Variants in COL25A1 observed in about 807,000 individuals in gnomAD.
COL25A1 encodes collagen alpha-1(XXV) chain.
In COL25A1, 103 loss-of-function variants were observed where a neutral mutation model predicts 128.4. The observed-to-expected ratio is 0.80, with a 90% CI of 0.68 to 0.94. The LOEUF (loss-of-function observed/expected upper bound fraction) is 0.94. Among genes scored for constraint, COL25A1 ranks in the 40% least tolerant of loss-of-function variants. COL25A1 has a pLI of 0.00. For synonymous variants in COL25A1, 279 were observed against 277.2 expected, an observed-to-expected ratio of 1.01 and a Z score of -0.06; for missense variants, 745 against 840.0, an observed-to-expected ratio of 0.89 and a Z score of 1.40.
At chr4:108,819,724 C>A in intron 35 of COL25A1, 1 of 584,914 alleles carries the variant, frequency 1.7e-6, no homozygotes, top group Non-Finnish European at 2.5e-6. Context: ...ATCAGAAACC[C>A]TCCTGTTACG....
At chr4:109,124,797 A>T (rs995163713) in intron 3 of COL25A1, among the ~76,000 whole-genome samples, 46 of 151,994 alleles carry the variant, frequency 3.0e-4, no homozygotes, top group African/African-American at 7.7e-4. Context: ...ATTCATTCTT[A>T]AAAAAATCAC....
chr4:109,188,590 G>A (rs1020187351), intron 3 of COL25A1, among the ~76,000 whole-genome samples: 5 of 152,108 alleles, frequency 3.3e-5, no homozygotes, highest in Non-Finnish European at 7.4e-5. Flanking sequence ...GTAGCTTTGA[G>A]AATGGAATCG....
chr4:109,071,140 C>T (rs1021091110), intron 3 of COL25A1, among the ~76,000 whole-genome samples: 2 of 151,980 alleles, frequency 1.3e-5, no homozygotes, highest in African/African-American at 4.8e-5. Flanking sequence ...AGAAATAATA[C>T]CACACATCTA....
chr4:108,926,974 TG>T (rs1746138725), intron 11 of COL25A1, among the ~76,000 whole-genome samples: 1 of 152,050 alleles, frequency 6.6e-6, no homozygotes, highest in African/African-American at 2.4e-5. Flanking sequence ...TTAGTTGAAG[TG>T]GGTATGAAGG....
At chr4:109,003,089 T>C (rs925763994) in intron 6 of COL25A1, among the ~76,000 whole-genome samples, 5 of 152,090 alleles carry the variant, frequency 3.3e-5, no homozygotes, top group East Asian at 1.9e-4. Context: ...CCAAAAGCAA[T>C]TGCAACAAAA....
At chr4:109,184,577 G>A (rs565275591) in intron 3 of COL25A1, among the ~76,000 whole-genome samples, 82 of 152,286 alleles carry the variant, frequency 5.4e-4, no homozygotes, top group African/African-American at 1.9e-3. Flanking sequence ...TTAAGGCACA[G>A]TCTGAAAGAA....
At chr4:109,248,663 A>G (rs149616242) in intron 3 of COL25A1, among the ~76,000 whole-genome samples, 393 of 151,246 alleles carry the variant, frequency 2.6e-3, no homozygotes, top group Non-Finnish European at 5.0e-3. Flanking sequence ...CTGCCAGACT[A>G]CTCCTCCTCT....
At chr4:108,849,596 T>C (rs758567372) in intron 26 of COL25A1, among the ~76,000 whole-genome samples, 1 of 152,178 alleles carries the variant, frequency 6.6e-6, no homozygotes, top group Non-Finnish European at 1.5e-5. Flanking sequence ...TTTTGAAAGG[T>C]GACTAAATAA....
At position 109,302,022 on chromosome 4, in the gene COL25A1, T is replaced by C; in HGVS notation, c.-3A>G. 5 of 1,579,324 alleles carry C rather than the reference T, an allele frequency of 3.2e-6. No individual in the cohort carries two copies. The highest frequency in any genetic ancestry group is 4.3e-6 in the Non-Finnish European group (5 of 1,165,890). On this transcript the variant is annotated 5_prime_UTR_variant, in exon 2 of 38. Transcript: ENST00000399132. ...CCTGCGTGCTTCTTCAGCAGCATCG[T>C]GGCGGGGTCGGCCGTCTCGGCTTCG... is the stretch of plus-strand genomic sequence containing the variant.
chr4:108,838,962 T>C (rs1734114958), intron 31 of COL25A1, among the ~76,000 whole-genome samples: 1 of 152,124 alleles, frequency 6.6e-6, no homozygotes, highest in African/African-American at 2.4e-5. Context: ...CTGACCTGTA[T>C]ACTTTTCAAC....
At chr4:109,279,085 G>A (rs563870569) in intron 3 of COL25A1, among the ~76,000 whole-genome samples, 9 of 144,664 alleles carry the variant, frequency 6.2e-5, no homozygotes, top group Middle Eastern at 7.6e-3. Flanking sequence ...TCACACTGGA[G>A]ATTCATTTTT....
chr4:109,044,629 C>A (rs1437333864), intron 5 of COL25A1, among the ~76,000 whole-genome samples: 1 of 152,014 alleles, frequency 6.6e-6, no homozygotes, highest in African/African-American at 2.4e-5. Flanking sequence ...GAACTGCGGG[C>A]CAGAAGGAAG....
At chr4:109,038,595 C>A (rs990795909) in intron 5 of COL25A1, among the ~76,000 whole-genome samples, 5 of 152,068 alleles carry the variant, frequency 3.3e-5, no homozygotes, top group African/African-American at 1.2e-4. Flanking sequence ...CATGTGCATT[C>A]GAATCATGCC....
At chr4:108,983,947 T>C (rs936998007) in intron 6 of COL25A1, among the ~76,000 whole-genome samples, 4 of 152,138 alleles carry the variant, frequency 2.6e-5, no homozygotes, top group Non-Finnish European at 5.9e-5. Context: ...TTGCCACTGC[T>C]GACTCGGGCA....
At chr4:108,848,156 A>T (rs1487009690) in intron 27 of COL25A1, among the ~76,000 whole-genome samples, 5 of 152,218 alleles carry the variant, frequency 3.3e-5, no homozygotes, top group Non-Finnish European at 7.3e-5. Flanking sequence ...ATAAATAAAT[A>T]AAAAGGAAAC....
intron 3 of COL25A1, among the ~76,000 whole-genome samples, chr4:109,199,325 T>C (rs1347817264): frequency 6.6e-6 from 1 of 151,956 alleles, no homozygotes; most frequent in Non-Finnish European, 1.5e-5. Flanking sequence ...GTTTTTCTTT[T>C]TCTAGAGACA....
At chr4:108,994,763 A>G (rs1754590972) in intron 6 of COL25A1, among the ~76,000 whole-genome samples, 2 of 152,196 alleles carry the variant, frequency 1.3e-5, no homozygotes, top group African/African-American at 4.8e-5. Flanking sequence ...CAAAGCTTCC[A>G]GAGGAAGGAT....
chr4:109,133,608 T>A (rs1244565312), intron 3 of COL25A1, among the ~76,000 whole-genome samples: 2 of 152,196 alleles, frequency 1.3e-5, no homozygotes, highest in Non-Finnish European at 2.9e-5. Context: ...TATGTTAATA[T>A]GTATTAGCAG....
intron 3 of COL25A1, among the ~76,000 whole-genome samples, chr4:109,124,133 T>G (rs567731735): frequency 1.3e-5 from 2 of 152,228 alleles, no homozygotes; most frequent in East Asian, 3.9e-4. Context: ...GACATTGACT[T>G]TAAAATTTGT....
Sources: gnomAD v4.1 joint callset for allele counts (sites outside exome capture counted in the v4.1 genomes callset) on GRCh38, gnomAD v4.1.1 for gene constraint, MANE v1.5 for transcripts, NCBI Gene and HGNC (gene_info 2026-07-23, HGNC 2026-07-21) for gene names.